TMCC1: variants seen among roughly 807,000 people sequenced by gnomAD.
The protein encoded by TMCC1 is transmembrane and coiled-coil domain family 1.
Under a neutral mutation model 52.4 loss-of-function variants are expected in TMCC1, and 15 were observed. The ratio of observed to expected loss-of-function variants is 0.29; its 90% CI spans 0.19 to 0.44. The LOEUF (loss-of-function observed/expected upper bound fraction) is 0.44. Among genes scored for constraint, TMCC1 ranks in the 20% least tolerant of loss-of-function variants. TMCC1 has a pLI of 1.00. For missense variants in TMCC1, 503 were observed against 806.0 expected, an observed-to-expected ratio of 0.62 and a Z score of 4.55; for synonymous variants, 279 against 301.9, an observed-to-expected ratio of 0.92 and a Z score of 0.79.
At position 129,710,376 on chromosome 3, in the gene TMCC1, G is replaced by A. The variant is rs115923824; in HGVS notation, c.577-39112C>T. Among the ~76,000 whole-genome samples, 1,369 of 152,244 alleles carry A rather than the reference G, an allele frequency of 9.0e-3. 20 individuals carry two copies. The highest frequency in any genetic ancestry group is 0.031 in the African/African-American group (1,305 of 41,562). Reference sequence around the variant, plus strand: ...AGGGACGGTCTCATTATGTTGGCCAGGCTAGTCTTGAACTCCTGGGCTCAA... The same window carrying A: ...AGGGACGGTCTCATTATGTTGGCCAAGCTAGTCTTGAACTCCTGGGCTCAA... On this transcript the variant is annotated intron_variant, in intron 4 of 6. Coordinates refer to ENST00000393238, the MANE Select transcript of TMCC1 (RefSeq NM_001017395.5).
chr3:129,809,118 G>A (rs185176270), intron 4 of TMCC1, among the ~76,000 whole-genome samples: 35 of 151,658 alleles, frequency 2.3e-4, no homozygotes, highest in Admixed American at 1.3e-3. Flanking sequence ...GTGGTGGCAG[G>A]CACCTGTAGT....
chr3:129,765,170 C>A (rs1335669895), intron 4 of TMCC1, among the ~76,000 whole-genome samples: 1 of 150,414 alleles, frequency 6.6e-6, no homozygotes, highest in Non-Finnish European at 1.5e-5. Context: ...CTGCCCCATA[C>A]TTAAAAACAG....
rs1332311850 is a variant in TMCC1, at chr3:129,670,336, C to T, written c.1505G>A (p.Arg502Gln). ...SLIMQTLQEE[R>Q]YRCERLEEQL... ...TTAATTCCATGTGACTTACCTATAT[C>T]GCTCCTCCTGTAAGGTCTGCATTAT... The change falls in exon 5 of 7, where the codon CGA becomes CAA. Residue 502 changes from arginine to glutamine, a missense_variant. By Grantham distance (43) the Arg-to-Gln change is conservative (BLOSUM62 1). Coordinates refer to ENST00000393238, the MANE Select transcript of TMCC1 (RefSeq NM_001017395.5). The T allele has an allele frequency of 6.2e-6, 10 of 1,612,706 alleles. No homozygotes were observed. Among genetic ancestry groups the T allele is most frequent in the Non-Finnish European group, 7.6e-6 (9 of 1,179,170 alleles).
chr3:129,700,685 C>A (rs2047755345), intron 4 of TMCC1, among the ~76,000 whole-genome samples: 1 of 151,680 alleles, frequency 6.6e-6, no homozygotes, highest in Admixed American at 6.6e-5. Context: ...TCAGGTTGGT[C>A]AGGCTGGTCT....
intron 5 of TMCC1, among the ~76,000 whole-genome samples, chr3:129,665,485 A>G (rs928807896): frequency 6.6e-6 from 1 of 152,204 alleles, no homozygotes; most frequent in African/African-American, 2.4e-5. Context: ...AGAAGGTTTC[A>G]CCTATTTATT....
chr3:129,738,210 G>T (rs1326469544), intron 4 of TMCC1, among the ~76,000 whole-genome samples: 2 of 147,028 alleles, frequency 1.4e-5, no homozygotes, highest in African/African-American at 2.5e-5. Context: ...GGCAGAGGTT[G>T]CAGTGAGCCG....
intron 4 of TMCC1, among the ~76,000 whole-genome samples, chr3:129,717,186 A>C (rs1036862542): frequency 2.1e-4 from 32 of 151,952 alleles, no homozygotes; most frequent in Admixed American, 2.0e-3. Context: ...TCACAAACCC[A>C]CTCAACTGGC....
intron 1 of TMCC1, among the ~76,000 whole-genome samples, chr3:129,886,919 AGAGT>A (rs1165204261): frequency 3.9e-5 from 6 of 152,094 alleles, no homozygotes; most frequent in African/African-American, 1.4e-4. Flanking sequence ...CCTGGGAGAC[AGAGT>A]GAGACTCCGT....
rs574405098 is a variant in TMCC1, at chr3:129,708,870, C to A, written c.577-37606G>T. ...CATACCCTATGTCTTCAGAGCATCT[C>A]TAACCTACTACTACAGTAATCCTAT... On this transcript the variant is annotated intron_variant, in intron 4 of 6. Coordinates refer to ENST00000393238, the MANE Select transcript of TMCC1 (RefSeq NM_001017395.5). Among the ~76,000 whole-genome samples, 8 of 152,344 alleles carry A rather than the reference C, an allele frequency of 5.3e-5. No homozygotes were observed. The South Asian group carries it at 1.7e-3, about 32-fold the overall frequency.
intron 4 of TMCC1, 128 bp downstream of exon 4, chr3:129,827,675 G>A (rs1356189234): frequency 8.7e-7 from 1 of 1,147,078 alleles, no homozygotes. Flanking sequence ...TTGAAAAGGG[G>A]AAAAATTCTT....
intron 2 of TMCC1, among the ~76,000 whole-genome samples, chr3:129,842,626 A>G (rs1322674291): frequency 6.6e-6 from 1 of 152,176 alleles, no homozygotes; most frequent in African/African-American, 2.4e-5. Context: ...TACACATAGG[A>G]CATTCACAAA....
chr3:129,865,194 AT>A (rs199616644), intron 2 of TMCC1, among the ~76,000 whole-genome samples: 1 of 150,534 alleles, frequency 6.6e-6, no homozygotes, highest in East Asian at 1.9e-4. Flanking sequence ...CTTCTCATTC[AT>A]TTTTTTTTCC....
At chr3:129,771,503 G>A (rs1030232256) in intron 4 of TMCC1, among the ~76,000 whole-genome samples, 3 of 151,972 alleles carry the variant, frequency 2.0e-5, no homozygotes, top group African/African-American at 4.8e-5. Context: ...GGCTGGGCAC[G>A]GTTGCTCACA....
intron 4 of TMCC1, among the ~76,000 whole-genome samples, chr3:129,762,772 G>C (rs1022202040): frequency 6.6e-6 from 1 of 151,476 alleles, no homozygotes; most frequent in Non-Finnish European, 1.5e-5. Context: ...ACAGAGTAAG[G>C]CTATGTCTCA....
At chr3:129,688,242 T>C (rs2089549037) in intron 4 of TMCC1, 1 of 985,288 alleles carries the variant, frequency 1.0e-6, no homozygotes, top group South Asian at 4.7e-5. Context: ...ATTTGTGCAC[T>C]GCCAGAGAAA....
intron 2 of TMCC1, among the ~76,000 whole-genome samples, chr3:129,852,562 C>A (rs145809643): frequency 6.0e-4 from 90 of 149,578 alleles, no homozygotes; most frequent in Middle Eastern, 3.5e-3. Context: ...AAGCCAATCA[C>A]AAAGAGATAA....
chr3:129,831,974 C>T (rs542019773), intron 3 of TMCC1, among the ~76,000 whole-genome samples: 1 of 152,118 alleles, frequency 6.6e-6, no homozygotes, highest in Non-Finnish European at 1.5e-5. Flanking sequence ...CCTACCTCTG[C>T]CTCTCAAGTA....
At chr3:129,763,825 C>CAAATAAAT (rs555686977) in intron 4 of TMCC1, among the ~76,000 whole-genome samples, 1 of 145,344 alleles carries the variant, frequency 6.9e-6, no homozygotes, top group Non-Finnish European at 1.5e-5. Flanking sequence ...GACTCTGTCT[C>CAAATAAAT]AAATAAATAA....
At chr3:129,813,357 A>G (rs1266008436) in intron 4 of TMCC1, among the ~76,000 whole-genome samples, 1 of 152,226 alleles carries the variant, frequency 6.6e-6, no homozygotes, top group Admixed American at 6.5e-5. Flanking sequence ...ACACATGCAC[A>G]TGTATGTTCA....
Sources: allele counts gnomAD v4.1 joint callset (sites outside exome capture counted in the v4.1 genomes callset), GRCh38; gene constraint gnomAD v4.1.1; transcripts MANE v1.5; gene names NCBI Gene and HGNC (gene_info 2026-07-23, HGNC 2026-07-21).